Variants in MGAT4D observed in about 807,000 individuals in gnomAD.
MGAT4D encodes the protein MGAT4 family member D, also known as alpha-1,3-mannosyl-glycoprotein 4-beta-N-acetylglucosaminyltransferase-like protein MGAT4D.
MGAT4D carries 34 observed loss-of-function variants against 15.9 expected under a neutral mutation model. That is an observed-to-expected ratio of 2.14 (90% confidence interval 1.62 to 2.84). The LOEUF (loss-of-function observed/expected upper bound fraction) is 2.84. Among genes scored for constraint, MGAT4D ranks in the 30% most tolerant of loss-of-function variants. MGAT4D has a pLI of 0.00. For missense variants in MGAT4D, 327 were observed against 140.2 expected (o/e 2.33, Z -6.73); for synonymous variants, 112 against 48.2 (o/e 2.33, Z -5.49).
intron 2 of MGAT4D, among the ~76,000 whole-genome samples, chr4:140,480,173 A>G (rs900376666): frequency 7.9e-5 from 12 of 152,200 alleles, no homozygotes; most frequent in African/African-American, 2.9e-4. Flanking sequence ...ATCATAGAAT[A>G]CAGAAGTAGG....
intron 5 of MGAT4D, among the ~76,000 whole-genome samples, chr4:140,471,256 T>TTCCG (rs1230484263): frequency 6.7e-6 from 1 of 148,530 alleles, no homozygotes. Context: ...CCTTCCTTCC[T>TTCCG]TCCTTCCTTC....
At chr4:140,472,666 C>G in intron 4 of MGAT4D, among the ~76,000 whole-genome samples, 1 of 152,188 alleles carries the variant, frequency 6.6e-6, no homozygotes, top group Middle Eastern at 3.4e-3. Flanking sequence ...ATTTTAAACA[C>G]GGCGTCAAAG....
chr4:140,471,882 C>A, intron 4 of MGAT4D, 61 bp from the exon 5 acceptor site: 1 of 332,614 alleles, frequency 3.0e-6, no homozygotes, highest in Non-Finnish European at 5.5e-6. Context: ...ATTAATACAA[C>A]TTCTTTTGCT....
chr4:140,475,331 T>C (rs1182572690), intron 3 of MGAT4D, among the ~76,000 whole-genome samples: 1 of 152,114 alleles, frequency 6.6e-6, no homozygotes, highest in Non-Finnish European at 1.5e-5. Flanking sequence ...CAGGAAAAAA[T>C]TACTATGAAA....
At chr4:140,461,272 A>G (rs938289436) in intron 7 of MGAT4D, among the ~76,000 whole-genome samples, 3 of 152,102 alleles carry the variant, frequency 2.0e-5, no homozygotes, top group Admixed American at 6.6e-5. Flanking sequence ...TTTTCTTCCA[A>G]TGAAAGAGAA....
chr4:140,484,815 T>A (rs1484928525), intron 1 of MGAT4D, among the ~76,000 whole-genome samples: 2 of 152,226 alleles, frequency 1.3e-5, no homozygotes, highest in Non-Finnish European at 2.9e-5. Flanking sequence ...TCATCATTAC[T>A]GGCCATCAGA....
At chr4:140,493,516 C>T (rs997444532) in intron 1 of MGAT4D, among the ~76,000 whole-genome samples, 5 of 151,868 alleles carry the variant, frequency 3.3e-5, no homozygotes, top group Admixed American at 6.6e-5. Context: ...AGGATGGTCT[C>T]GATCTCCTGA....
At chr4:140,446,250 G>A (rs539263355) in intron 10 of MGAT4D, among the ~76,000 whole-genome samples, 2 of 152,234 alleles carry the variant, frequency 1.3e-5, no homozygotes, top group Admixed American at 6.5e-5. Context: ...ATGGTACCAG[G>A]TCTTCTTTGC....
At chr4:140,492,906 A>G (rs1312725260) in intron 1 of MGAT4D, among the ~76,000 whole-genome samples, 3 of 152,250 alleles carry the variant, frequency 2.0e-5, no homozygotes, top group Non-Finnish European at 2.9e-5. Context: ...AGGGGGCTCA[A>G]TAGAACACAT....
chr4:140,471,774 CT>C lies in MGAT4D; in HGVS notation c.572del (p.Lys191AsnfsTer6). On this transcript the variant is annotated frameshift_variant and splice_region_variant, in exon 5 of 11. Coordinates refer to ENST00000511113, the MANE Select transcript of MGAT4D (RefSeq NM_001277353.2). LOFTEE classifies it high-confidence loss of function. ...GTAAAAATATATCAGACAGTACTTA[CT>C]TTTTTGTAATCATTTTAACAACAGA... is the stretch of plus-strand genomic sequence containing the variant. Reference protein sequence around the residue: ...LHSVVKMITKKFKRQVRSGSL... With the variant: ...LHSVVKMITKXFKRQVRSGSL... 6 of 483,012 alleles carry C rather than the reference CT, an allele frequency of 1.2e-5. No individual in the cohort carries two copies. Among genetic ancestry groups the C allele is most frequent in the African/African-American group, 2.0e-5 (1 of 50,552 alleles). The allele number at this position is 483,012 out of a possible 1,614,324, so 29.9% of individuals were successfully genotyped here.
At chr4:140,482,122 A>T (rs1189359627) in intron 2 of MGAT4D, among the ~76,000 whole-genome samples, 1 of 152,200 alleles carries the variant, frequency 6.6e-6, no homozygotes, top group Non-Finnish European at 1.5e-5. Context: ...CAATTCACGG[A>T]GCCACAAAGC....
intron 10 of MGAT4D, chr4:140,449,867 A>C (rs1411107736): frequency 1.6e-5 from 3 of 188,414 alleles, no homozygotes; most frequent in Non-Finnish European, 3.2e-5. Flanking sequence ...TATTAAGGGA[A>C]ACACAGCAAC....
chr4:140,486,993 T>A (rs1482541217), intron 1 of MGAT4D, among the ~76,000 whole-genome samples: 1 of 152,174 alleles, frequency 6.6e-6, no homozygotes, highest in Non-Finnish European at 1.5e-5. Flanking sequence ...GGTTTCTACA[T>A]TGTAGGTCAG....
At chr4:140,469,645 A>T (rs1560781698) in intron 5 of MGAT4D, among the ~76,000 whole-genome samples, 1 of 152,096 alleles carries the variant, frequency 6.6e-6, no homozygotes, top group Non-Finnish European at 1.5e-5. Flanking sequence ...TTTTCTACAG[A>T]AGGTCCCACT....
At chr4:140,462,370 G>T in intron 6 of MGAT4D, 1 of 161,570 alleles carries the variant, frequency 6.2e-6, no homozygotes, top group Non-Finnish European at 1.4e-5. Context: ...TCTACTAACA[G>T]CTTTCTTTAT....
At chr4:140,455,801 G>T (rs935231718) in intron 9 of MGAT4D, among the ~76,000 whole-genome samples, 11 of 152,032 alleles carry the variant, frequency 7.2e-5, no homozygotes, top group Admixed American at 7.2e-4. Flanking sequence ...TTGATCCCTA[G>T]ACTGTTTTTT....
At chr4:140,468,098 G>A (rs1192608476) in intron 5 of MGAT4D, among the ~76,000 whole-genome samples, 5 of 150,714 alleles carry the variant, frequency 3.3e-5, no homozygotes, top group Admixed American at 6.6e-5. Flanking sequence ...ATTAAAAATA[G>A]TGAATATTAA....
intron 1 of MGAT4D, among the ~76,000 whole-genome samples, chr4:140,491,031 C>G (rs1320546565): frequency 1.3e-5 from 2 of 152,206 alleles, no homozygotes; most frequent in Non-Finnish European, 2.9e-5. Flanking sequence ...TCTCACTTCT[C>G]AATAGTTCTA....
rs1279238185 is a variant in MGAT4D at position 140,442,415 on chromosome 4, A to G, written c.*1021T>C. ...GGATAACAAATAAATATCACTTATT[A>G]TTGCTCAAAATAAGTAATACCTTAC... On this transcript the variant is annotated 3_prime_UTR_variant, in exon 11 of 11. Coordinates refer to ENST00000511113, the MANE Select transcript of MGAT4D (RefSeq NM_001277353.2). 6.6e-6 allele frequency: 1 copy of G among 152,246 alleles called. No individual in the cohort carries two copies. Among genetic ancestry groups the G allele is most frequent in the South Asian group, 2.1e-4 (1 of 4,828 alleles). The allele number at this position is 152,246 out of a possible 1,614,324, so 9.4% of individuals were successfully genotyped here.
Sources: gnomAD v4.1 joint callset for allele counts (sites outside exome capture counted in the v4.1 genomes callset) on GRCh38, gnomAD v4.1.1 for gene constraint, MANE v1.5 for transcripts, NCBI Gene and HGNC (gene_info 2026-07-23, HGNC 2026-07-21) for gene names.